Variants in APOD observed in about 807,000 individuals in gnomAD.
The protein encoded by APOD is apolipoprotein D, also known as apo-D.
APOD carries 22 observed loss-of-function variants against 20.4 expected under a neutral mutation model. The ratio of observed to expected loss-of-function variants is 1.08; its 90% CI spans 0.77 to 1.54. The LOEUF (loss-of-function observed/expected upper bound fraction) is 1.54, where lower values mean the gene tolerates loss of function less well. APOD is among the 40% of genes most tolerant of loss of function. APOD has a pLI of 0.00. For synonymous variants in APOD, 97 were observed against 92.4 expected, an observed-to-expected ratio of 1.05 and a Z score of -0.29; for missense variants, 223 against 229.6, an observed-to-expected ratio of 0.97 and a Z score of 0.19.
chr3:195,583,610 G>T (rs772419360), intron 1 of APOD, among the ~76,000 whole-genome samples: 2 of 152,172 alleles, frequency 1.3e-5, no homozygotes, highest in African/African-American at 4.8e-5. Context: ...AGCAAAAGAC[G>T]CTGGGATGAG....
chr3:195,580,368 C>CTTTCTTTT (rs1720315501), intron 1 of APOD, among the ~76,000 whole-genome samples: 1 of 140,642 alleles, frequency 7.1e-6, no homozygotes, highest in African/African-American at 2.7e-5. Flanking sequence ...TTTCTTTCTT[C>CTTTCTTTT]TTTTTTTTTT....
At chr3:195,569,801 T>TG (rs961231971) in intron 4 of APOD, among the ~76,000 whole-genome samples, 3 of 134,984 alleles carry the variant, frequency 2.2e-5, no homozygotes, top group Non-Finnish European at 4.8e-5. Flanking sequence ...TTTTTTTTTT[T>TG]TTTTTTTTTT....
intron 1 of APOD, among the ~76,000 whole-genome samples, chr3:195,581,583 G>T (rs1326001645): frequency 6.6e-6 from 1 of 152,112 alleles, no homozygotes; most frequent in Non-Finnish European, 1.5e-5. Flanking sequence ...GCCTGGAAGG[G>T]GCAGAGAGCT....
Position 195,568,764 on chromosome 3 carries a change from A to G in APOD, c.*136T>C, listed in dbSNP as rs1049096862. The G allele has an allele frequency of 3.1e-6, 2 of 654,650 alleles. No individual in the cohort carries two copies. Among genetic ancestry groups the G allele is most frequent in the African/African-American group, 4.0e-5 (2 of 49,402 alleles). 40.6% of individuals were successfully genotyped at this position (654,650 alleles called of 1,614,324 possible). On this transcript the variant is annotated 3_prime_UTR_variant, in exon 5 of 5. Transcript: ENST00000343267. ...AAGTTTATTTTGCAGCTAGCAAGGT[A>G]ACAGGGTAGGGCATGGTTACATGTT...
chr3:195,569,224 C>A (rs1379964854), intron 4 of APOD, 89 bp from the exon 5 acceptor site: 1 of 1,073,952 alleles, frequency 9.3e-7, no homozygotes, highest in South Asian at 1.3e-5. Flanking sequence ...GACAACCACC[C>A]ACCAAGCCCC....
chr3:195,575,702 A>C (rs1023718912), intron 2 of APOD, among the ~76,000 whole-genome samples: 1 of 152,164 alleles, frequency 6.6e-6, no homozygotes, highest in African/African-American at 2.4e-5. Flanking sequence ...ATCTGGGCTC[A>C]CTGCAACCTC....
At position 195,568,904 on chromosome 3, in the gene APOD, G is replaced by C; in HGVS notation, c.566C>G (p.Ser189Trp). ...CAGCCTCCCTGTAGAACCTGGTTAC[G>C]AGAGCTTGGGGCAGTTCACCTGGTC... The part of the protein sequence containing the change: ...VTDQVNCPKL[S>W] Residue 189 changes from serine (S) to tryptophan (W), a missense_variant, in exon 5 of 5, where the codon TCG becomes TGG. By Grantham distance (177) the Ser-to-Trp change is radical. Transcript: ENST00000343267. 1.2e-6 allele frequency: 2 copies of C among 1,612,626 alleles called. No individual in the cohort carries two copies. Among genetic ancestry groups the C allele is most frequent in the Non-Finnish European group, 1.7e-6 (2 of 1,178,806 alleles).
At chr3:195,580,964 G>A (rs1414610620) in intron 1 of APOD, among the ~76,000 whole-genome samples, 1 of 152,152 alleles carries the variant, frequency 6.6e-6, no homozygotes, top group African/African-American at 2.4e-5. Flanking sequence ...GCTTGCACAC[G>A]AGCTATTTCC....
chr3:195,579,403 C>T lies in APOD; in HGVS notation c.59G>A (p.Gly20Glu). 1 of 1,614,218 alleles carries T rather than the reference C, an allele frequency of 6.2e-7. No homozygotes were observed. The highest frequency in any genetic ancestry group is 8.5e-7 in the Non-Finnish European group (1 of 1,180,036). Residue 20 changes from glycine to glutamate, a missense_variant, in exon 2 of 5, where the codon GGA (glycine) becomes GAA (glutamate). Gly to Glu is a moderately conservative substitution (Grantham distance 98, BLOSUM62 -2). Transcript: ENST00000343267. The stretch of plus-strand genomic sequence containing the variant: ...GCACTTCCCAAGATGAAATGCTTGT[C>T]CCTCTGCCGCACCGAAGAGGCCAGC... ...ALAGLFGAAE[G>E]QAFHLGKCPN... is the part of the protein sequence containing the mutation.
chr3:195,568,837 G>GGGGGGA lies in APOD; in HGVS notation c.*62_*63insTCCCCC. 1 of 975,810 alleles carries GGGGGGA rather than the reference G, an allele frequency of 1.0e-6. No individual in the cohort carries two copies. The highest frequency in any genetic ancestry group is 1.6e-6 in the Non-Finnish European group (1 of 644,252). 60.4% of individuals were successfully genotyped at this position (975,810 alleles called of 1,614,324 possible). ...GTTGATTGGTTTGTCTTTATGGGGGGGGGGTAGGGGAAAGCGAAGCAGAAG... is the reference window on the plus strand; with the variant it reads ...GTTGATTGGTTTGTCTTTATGGGGGGGGGGGAGGGGTAGGGGAAAGCGAAGCAGAAG... On this transcript the variant is annotated 3_prime_UTR_variant, in exon 5 of 5. Coordinates refer to ENST00000343267, the MANE Select transcript of APOD (RefSeq NM_001647.4).
At chr3:195,574,354 G>T (rs1720216361) in intron 2 of APOD, among the ~76,000 whole-genome samples, 2 of 152,224 alleles carry the variant, frequency 1.3e-5, no homozygotes, top group Admixed American at 6.5e-5. Flanking sequence ...ACTCCAGAGC[G>T]CACGGAACTT....
At chr3:195,578,500 C>T (rs1384582511) in intron 2 of APOD, among the ~76,000 whole-genome samples, 3 of 152,188 alleles carry the variant, frequency 2.0e-5, no homozygotes, top group African/African-American at 7.2e-5. Context: ...GGGTGAGATT[C>T]CAGGCTTGAG....
At position 195,573,866 on chromosome 3, in the gene APOD, A is replaced by T. The variant is rs747158725; in HGVS notation, c.229T>A (p.Leu77Ile). 6.2e-7 allele frequency: 1 copy of T among 1,614,150 alleles called. No individual in the cohort carries two copies. The highest frequency in any genetic ancestry group is 2.2e-5 in the East Asian group (1 of 44,884). Residue 77 changes from leucine (L) to isoleucine (I), a missense_variant, in exon 3 of 5, where the codon TTA (leucine) becomes ATA (isoleucine). Transcript: ENST00000343267. ...GCCACTCACCTCAACTCCTGGTTTA[A>T]CACTTTGATCTTTCCGTTTTCCATT... Reference protein sequence around the residue: ...SLMENGKIKVLNQELRADGTV... With the variant: ...SLMENGKIKVINQELRADGTV...
intron 1 of APOD, among the ~76,000 whole-genome samples, chr3:195,579,851 A>C (rs1169481511): frequency 6.6e-6 from 1 of 152,220 alleles, no homozygotes; most frequent in Non-Finnish European, 1.5e-5. Context: ...TACTTGTCAA[A>C]TGAACAGAAA....
At chr3:195,583,089 G>C (rs908688479) in intron 1 of APOD, 1 of 152,250 alleles carries the variant, frequency 6.6e-6, no homozygotes, top group Admixed American at 6.5e-5. Context: ...CCTGGTCCCA[G>C]GATTTTAAGG....
In APOD at chr3:195,569,044, G is replaced by T. The variant is rs781029385; in HGVS notation, c.426C>A (p.His142Gln). The T allele has an allele frequency of 1.9e-6, 3 of 1,614,030 alleles. No individual in the cohort carries two copies. The highest frequency in any genetic ancestry group is 2.7e-5 in the African/African-American group (2 of 74,922). Residue 142 changes from histidine (H) to glutamine (Q), a missense_variant, in exon 5 of 5, where the codon CAC (histidine) becomes CAA (glutamine). His to Gln is a conservative substitution (Grantham distance 24). Transcript: ENST00000343267. Reference sequence around the variant, plus strand: ...TTGCCAAGATCCAAGCAAAATCCACGTGAAAAAGTTGGATGATGCAGGTAC... The same window carrying T: ...TTGCCAAGATCCAAGCAAAATCCACTTGAAAAAGTTGGATGATGCAGGTAC... Reference protein sequence around the residue: ...YSCTCIIQLFHVDFAWILARN... With the variant: ...YSCTCIIQLFQVDFAWILARN...
Position 195,571,394 on chromosome 3 carries a change from C to T in APOD, c.246-29G>A, listed in dbSNP as rs564771434. ...CAGTGAGTTAAAAAAAGAAAAAATA[C>T]AAAAAACGAAAAGAGAAAAGAAAAA... On this transcript the variant is annotated intron_variant, in intron 3 of 4. Transcript: ENST00000343267. The T allele has an allele frequency of 5.2e-6, 8 of 1,546,428 alleles. No homozygotes were observed. In the South Asian group the frequency reaches 9.3e-5, roughly 18 times the overall value.
At chr3:195,580,667 A>G (rs936318789) in intron 1 of APOD, among the ~76,000 whole-genome samples, 2 of 152,140 alleles carry the variant, frequency 1.3e-5, no homozygotes, top group Non-Finnish European at 2.9e-5. Context: ...GGCCTCCCAA[A>G]GTGCTGGGAT....
Position 195,568,836 on chromosome 3 carries a change from G to T in APOD, c.*64C>A. 5 of 1,073,032 alleles carry T rather than the reference G, an allele frequency of 4.7e-6. No homozygotes were observed. The highest frequency in any genetic ancestry group is 2.7e-5 in the South Asian group (2 of 73,864). The allele number at this position is 1,073,032 out of a possible 1,614,324, so 66.5% of individuals were successfully genotyped here. On this transcript the variant is annotated 3_prime_UTR_variant, in exon 5 of 5. Transcript: ENST00000343267. ...GGTTGATTGGTTTGTCTTTATGGGG[G>T]GGGGGTAGGGGAAAGCGAAGCAGAA...
Sources: gnomAD v4.1 joint callset for allele counts (sites outside exome capture counted in the v4.1 genomes callset) on GRCh38, gnomAD v4.1.1 for gene constraint, MANE v1.5 for transcripts, NCBI Gene and HGNC (gene_info 2026-07-23, HGNC 2026-07-21) for gene names.